The following RAP1GAP variants were observed in gnomAD, a reference collection of about 807,000 sequenced individuals.
The protein encoded by RAP1GAP is RAP1 GTPase activating protein.
RAP1GAP carries 35 observed loss-of-function variants against 87.2 expected under a neutral mutation model. That is an observed-to-expected ratio of 0.40 (90% CI 0.31 to 0.53). The LOEUF is 0.53. RAP1GAP is among the 20% of genes least tolerant of loss of function. The probability of loss-of-function intolerance (pLI) is 0.48; values close to 1 mark genes in which losing one functional copy is unlikely to be tolerated. For synonymous variants in RAP1GAP, 375 were observed against 363.9 expected (o/e 1.03, Z -0.35); for missense variants, 734 against 898.9 (o/e 0.82, Z 2.35).
At chr1:21,652,357 C>A (rs773612988) in intron 1 of RAP1GAP, among the ~76,000 whole-genome samples, 1 of 152,222 alleles carries the variant, frequency 6.6e-6, no homozygotes, top group African/African-American at 2.4e-5. Flanking sequence ...GAAATGAGTT[C>A]ACGCACGTAA....
chr1:21,621,198 TCGTGTGAGAACAAGAGGCATGA>T (rs2087112725), intron 3 of RAP1GAP, among the ~76,000 whole-genome samples: 1 of 152,006 alleles, frequency 6.6e-6, no homozygotes, highest in South Asian at 2.1e-4. Context: ...CAAACCACTC[TCGTGTGAGAACAAGAGGCATGA>T]CAACACGCAG....
chr1:21,596,805 G>C lies in RAP1GAP; in HGVS notation c.*494C>G, dbSNP rs1645381337. 1 of 152,326 alleles carries C rather than the reference G, an allele frequency of 6.6e-6. No individual in the cohort carries two copies. The highest frequency in any genetic ancestry group is 1.5e-5 in the Non-Finnish European group (1 of 68,140). The allele number at this position is 152,326 out of a possible 1,614,324, so 9.4% of individuals were successfully genotyped here. A position where few individuals can be genotyped will look rare whatever the true frequency, so the allele number is the denominator to read the frequency against. ...CCAGAGAGGGAGAGTGACTTGCCCA[G>C]AGTCACACAGCAGAACCCAAATTGG... On this transcript the variant is annotated 3_prime_UTR_variant, in exon 25 of 25. Transcript: ENST00000374765.
At chr1:21,606,625 G>A (rs1290721645) in intron 17 of RAP1GAP, among the ~76,000 whole-genome samples, 1 of 152,140 alleles carries the variant, frequency 6.6e-6, no homozygotes, top group Non-Finnish European at 1.5e-5. Context: ...TCCTGTTAGG[G>A]CCTCTTAGAG....
chr1:21,661,802 C>A (rs1190319102), intron 1 of RAP1GAP, among the ~76,000 whole-genome samples: 2 of 152,228 alleles, frequency 1.3e-5, no homozygotes, highest in African/African-American at 2.4e-5. Flanking sequence ...CTAGTGCCAC[C>A]AATGGCTCAC....
At chr1:21,623,687 T>G (rs541809825) in intron 3 of RAP1GAP, among the ~76,000 whole-genome samples, 1 of 152,378 alleles carries the variant, frequency 6.6e-6, no homozygotes, top group South Asian at 2.1e-4. Flanking sequence ...ACTCTGGAGA[T>G]GGGTGTTCCA....
chr1:21,603,193 G>A lies in RAP1GAP; in HGVS notation c.1429-280C>T, dbSNP rs1449156902. ...CCTGAGGGGGCTAGGGTGGGAGGAG[G>A]CCGAGTCCTCAGAATGGCTACCGCT... On this transcript the variant is annotated intron_variant, in intron 18 of 24. Coordinates refer to ENST00000374765, the MANE Select transcript of RAP1GAP (RefSeq NM_002885.4). This position sits in a 1 kb window ranked among gnomAD's most constrained non-coding sequence, Gnocchi z 6.0. 10 of 447,342 alleles carry A rather than the reference G, an allele frequency of 2.2e-5. No individual in the cohort carries two copies. Among genetic ancestry groups the A allele is most frequent in the Non-Finnish European group, 4.0e-5 (10 of 249,414 alleles). The allele number at this position is 447,342 out of a possible 1,614,324, so 27.7% of individuals were successfully genotyped here. A position where few individuals can be genotyped will look rare whatever the true frequency, so the allele number is the denominator to read the frequency against.
chr1:21,630,130 C>T (rs2150552493), intron 2 of RAP1GAP, among the ~76,000 whole-genome samples: 1 of 152,330 alleles, frequency 6.6e-6, no homozygotes, highest in South Asian at 2.1e-4. Context: ...GGTTAAGTAA[C>T]TTGTCCAAGG....
intron 2 of RAP1GAP, among the ~76,000 whole-genome samples, chr1:21,627,445 G>A (rs1411950992): frequency 2.3e-5 from 3 of 129,202 alleles, no homozygotes; most frequent in East Asian, 2.2e-4. Flanking sequence ...ACAGAGTTTC[G>A]CTCTTATTCC....
rs1571615380 is a variant in RAP1GAP, at chr1:21,669,140, C to T, written c.-149+114G>A. On this transcript the variant is annotated intron_variant, in intron 1 of 24. Transcript: ENST00000374765. The surrounding 1 kb of genome is among the most constrained non-coding windows in gnomAD (Gnocchi z 5.6). ...ACCCGGGTCCCCCACGCGTTCGCCC[C>T]CACCCTCCGTCCCCGCCCGCCCGCG... 2 of 1,137,562 alleles carry T rather than the reference C, an allele frequency of 1.8e-6. No homozygotes were observed. Among genetic ancestry groups the T allele is most frequent in the South Asian group, 1.6e-5 (1 of 63,694 alleles). 70.5% of individuals were successfully genotyped at this position (1,137,562 alleles called of 1,614,324 possible). A position where few individuals can be genotyped will look rare whatever the true frequency, so the allele number is the denominator to read the frequency against.
rs151192254 is a variant in RAP1GAP, at chr1:21,657,107, G to C, written c.-148-7311C>G. 5.3e-3 allele frequency among the ~76,000 whole-genome samples: 808 copies of C among 152,350 alleles called. 2 individuals carry two copies. Among genetic ancestry groups the C allele is most frequent in the Non-Finnish European group, 9.2e-3 (624 of 68,034 alleles). On this transcript the variant is annotated intron_variant, in intron 1 of 24. Transcript: ENST00000374765. ...CCAGGTCACACATGCACTTGGCCTA[G>C]TACCGTGCCACGCACATGCAAAGAG...
chr1:21,606,343 G>T, intron 17 of RAP1GAP, 146 bp from the exon 18 acceptor site: 1 of 1,245,060 alleles, frequency 8.0e-7, no homozygotes, highest in Non-Finnish European at 1.1e-6. Flanking sequence ...CATGTGGCCA[G>T]CAGGGCAACA....
intron 4 of RAP1GAP, 99 bp from the exon 5 acceptor site, chr1:21,619,171 C>G: frequency 7.6e-7 from 1 of 1,312,508 alleles, no homozygotes; most frequent in South Asian, 1.3e-5. Context: ...AGGAGGCGGC[C>G]CGCGAAGGTA....
In RAP1GAP at chr1:21,604,041, G is replaced by C. The variant is rs112030758; in HGVS notation, c.1429-1128C>G. On this transcript the variant is annotated intron_variant, in intron 18 of 24. Transcript: ENST00000374765. ...AAAGGAGGAAGACAGACAGAAAAAG[G>C]AAGAGAACGGTGCAGGAGGCAATGG... 2,345 of 746,860 alleles carry C rather than the reference G, an allele frequency of 3.1e-3. 52 individuals are homozygous for C. In the African/African-American group the frequency reaches 0.037, roughly 12 times the overall value. 46.3% of individuals were successfully genotyped at this position (746,860 alleles called of 1,614,324 possible).
At chr1:21,637,155 T>TC (rs2094879963) in intron 2 of RAP1GAP, among the ~76,000 whole-genome samples, 2 of 149,548 alleles carry the variant, frequency 1.3e-5, no homozygotes, top group Admixed American at 1.3e-4. Flanking sequence ...CTTTTTTTTT[T>TC]TTTTTTTTGG....
Position 21,596,822 on chromosome 1 carries a change from C to A in RAP1GAP, c.*477G>T, listed in dbSNP as rs1454682285. 1.3e-5 allele frequency: 2 copies of A among 152,368 alleles called. No homozygotes were observed. Among genetic ancestry groups the A allele is most frequent in the Non-Finnish European group, 2.9e-5 (2 of 68,166 alleles). 9.4% of individuals were successfully genotyped at this position (152,368 alleles called of 1,614,324 possible). On this transcript the variant is annotated 3_prime_UTR_variant, in exon 25 of 25. Coordinates refer to ENST00000374765, the MANE Select transcript of RAP1GAP (RefSeq NM_002885.4). ...CTTGCCCAGAGTCACACAGCAGAAC[C>A]CAAATTGGAAACCAGGACCCGGCTC...
rs1646201250 is a variant in RAP1GAP, at chr1:21,598,046, T to A, written c.1898A>T (p.His633Leu). The A allele has an allele frequency of 6.6e-7, 1 of 1,524,634 alleles. No individual in the cohort carries two copies. The highest frequency in any genetic ancestry group is 1.4e-5 in the African/African-American group (1 of 72,316). The allele number at this position is 1,524,634 out of a possible 1,614,324, so 94.4% of individuals were successfully genotyped here. The change falls in exon 23 of 25, where the codon CAC becomes CTC. Residue 633 changes from histidine to leucine, a missense_variant. His to Leu is a moderately conservative substitution (Grantham distance 99). Coordinates refer to ENST00000374765, the MANE Select transcript of RAP1GAP (RefSeq NM_002885.4). ...GSSPGPSRSPHPDAGKLGDPA... is the reference protein window; with the variant it reads ...GSSPGPSRSPLPDAGKLGDPA... The stretch of plus-strand genomic sequence containing the variant: ...GTCCCCCAACTTGCCGGCGTCTGGG[T>A]GGGGTGATCGAGAGGGGCCTGGGGA...
rs2079955716 is a variant in RAP1GAP at position 21,613,683 on chromosome 1, T to G, written c.419A>C (p.Asp140Ala). The change falls in exon 9 of 25, where the codon GAT (aspartate) becomes GCT (alanine). Residue 140 changes from aspartate (D) to alanine (A), a missense_variant. By Grantham distance (126) the Asp-to-Ala change is moderately radical (BLOSUM62 -2). This residue lies in a region of RAP1GAP where 485 missense variants were observed against 646.2 expected (regional missense o/e 0.75). Transcript: ENST00000374765. The surrounding 1 kb of genome is among the most constrained non-coding windows in gnomAD (Gnocchi z 4.7). ...GGTGAGGCAGGAGATGGGGATGACA[T>G]CATGGTATGTCCGGCACTTGGTCCT... is the stretch of plus-strand genomic sequence containing the variant. Reference protein sequence around the residue: ...LLRTKCRTYHDVIPISCLTEF... With the variant: ...LLRTKCRTYHAVIPISCLTEF... 1 of 1,613,186 alleles carries G rather than the reference T, an allele frequency of 6.2e-7. No homozygotes were observed. Among genetic ancestry groups the G allele is most frequent in the African/African-American group, 1.3e-5 (1 of 74,848 alleles).
At chr1:21,660,465 C>T (rs2097112925) in intron 1 of RAP1GAP, among the ~76,000 whole-genome samples, 1 of 150,908 alleles carries the variant, frequency 6.6e-6, no homozygotes, top group Admixed American at 6.6e-5. Context: ...TCCTGAGTAG[C>T]CGGGACTACA....
intron 2 of RAP1GAP, among the ~76,000 whole-genome samples, chr1:21,636,877 G>C (rs2094769866): frequency 7.2e-6 from 1 of 138,152 alleles, no homozygotes; most frequent in South Asian, 2.5e-4. Context: ...GAGGGAAAAG[G>C]AAGGAAGGAA....
Sources: gnomAD v4.1 joint callset for allele counts (sites outside exome capture counted in the v4.1 genomes callset) on GRCh38, gnomAD v4.1.1 for gene constraint, gnomAD v4.1.1 regional missense constraint, Gnocchi (gnomAD v3.1) non-coding constraint, MANE v1.5 for transcripts, NCBI Gene and HGNC (gene_info 2026-07-23, HGNC 2026-07-21) for gene names.